FLT1: variants seen among roughly 807,000 people sequenced by gnomAD.
FLT1 encodes the protein fms related receptor tyrosine kinase 1, also known as vascular endothelial growth factor receptor 1.
A neutral mutation model predicts 156.3 loss-of-function variants in FLT1; 49 were observed. That is an observed-to-expected ratio of 0.31 (90% CI 0.25 to 0.40). The LOEUF (loss-of-function observed/expected upper bound fraction) is 0.40, where lower values mean the gene tolerates loss of function less well. Ranked by LOEUF, FLT1 falls within the 10% of genes least tolerant of loss-of-function variation. FLT1 has a pLI of 1.00. For synonymous variants in FLT1, 594 were observed against 583.8 expected (o/e 1.02, Z -0.25); for missense variants, 1,322 against 1,637.2 (o/e 0.81, Z 3.32).
chr13:28,320,525 A>T (rs970517241), intron 23 of FLT1, among the ~76,000 whole-genome samples: 1 of 151,452 alleles, frequency 6.6e-6, no homozygotes, highest in Non-Finnish European at 1.5e-5. Context: ...TTCTTAAAAC[A>T]TGATGAGATT....
intron 14 of FLT1, among the ~76,000 whole-genome samples, chr13:28,378,322 C>A (rs549586799): frequency 1.1e-4 from 16 of 152,312 alleles, no homozygotes; most frequent in African/African-American, 3.6e-4. Flanking sequence ...GCTGGGATTA[C>A]AGGCATGAGC....
chr13:28,368,619 A>G, intron 14 of FLT1: 1 of 1,367,316 alleles, frequency 7.3e-7, no homozygotes, highest in East Asian at 2.5e-5. Context: ...GATGATGACA[A>G]TGGTGATGAT....
At chr13:28,372,114 C>T (rs1441552072) in intron 14 of FLT1, among the ~76,000 whole-genome samples, 1 of 113,408 alleles carries the variant, frequency 8.8e-6, no homozygotes, top group Non-Finnish European at 1.7e-5. Flanking sequence ...CAGAGTCTCG[C>T]TCTCTTTCCC....
At chr13:28,337,321 T>G (rs1339951855) in intron 17 of FLT1, among the ~76,000 whole-genome samples, 1 of 152,168 alleles carries the variant, frequency 6.6e-6, no homozygotes, top group East Asian at 1.9e-4. Context: ...AAACCAGATA[T>G]AACCTTGTGT....
chr13:28,324,699 G>C (rs1373449874), intron 20 of FLT1, among the ~76,000 whole-genome samples: 3 of 152,206 alleles, frequency 2.0e-5, no homozygotes, highest in African/African-American at 7.2e-5. Context: ...ATCAGAGAAA[G>C]CGCTGGCAAT....
At chr13:28,483,208 T>C (rs1372337293) in intron 1 of FLT1, among the ~76,000 whole-genome samples, 1 of 152,190 alleles carries the variant, frequency 6.6e-6, no homozygotes, top group African/African-American at 2.4e-5. Context: ...ACAATACCAT[T>C]AATCATAGAT....
At chr13:28,484,958 C>T (rs1288806623) in intron 1 of FLT1, among the ~76,000 whole-genome samples, 1 of 150,804 alleles carries the variant, frequency 6.6e-6, no homozygotes, top group Non-Finnish European at 1.5e-5. Flanking sequence ...GGAGGGATAG[C>T]ATTAGGAGAT....
At chr13:28,412,696 C>G (rs1876372461) in intron 10 of FLT1, among the ~76,000 whole-genome samples, 2 of 148,236 alleles carry the variant, frequency 1.3e-5, no homozygotes, top group African/African-American at 2.5e-5. Context: ...GCTGGGGTTA[C>G]AGGAGTGAGG....
rs139542461 is a variant in FLT1, at chr13:28,430,402, G to A, written c.989-235C>T. On this transcript the variant is annotated intron_variant, in intron 7 of 29. Coordinates refer to ENST00000282397, the MANE Select transcript of FLT1 (RefSeq NM_002019.4). Reference sequence around the variant, plus strand: ...GTCCTAGCCACATAAAACAGTGGCAGAGCAACAGAAAGTGAAACACCTTAA... The same window carrying A: ...GTCCTAGCCACATAAAACAGTGGCAAAGCAACAGAAAGTGAAACACCTTAA... Among the ~76,000 whole-genome samples, 271 of 152,276 alleles carry A rather than the reference G, an allele frequency of 1.8e-3. 1 individual carries two copies. Among genetic ancestry groups the A allele is most frequent in the African/African-American group, 6.2e-3 (258 of 41,560 alleles).
At chr13:28,444,581 T>G (rs1878508317) in intron 3 of FLT1, among the ~76,000 whole-genome samples, 1 of 152,190 alleles carries the variant, frequency 6.6e-6, no homozygotes, top group African/African-American at 2.4e-5. Context: ...TTTCCTCAAG[T>G]GCACATGAAA....
At chr13:28,355,156 G>A (rs959223811) in intron 15 of FLT1, among the ~76,000 whole-genome samples, 6 of 152,172 alleles carry the variant, frequency 3.9e-5, no homozygotes, top group African/African-American at 1.2e-4. Context: ...GAGGAAGGGC[G>A]GAAATATTCT....
Position 28,466,945 on chromosome 13 carries a change from T to C in FLT1, c.346A>G (p.Lys116Glu), listed in dbSNP as rs778137364. 6 of 1,613,484 alleles carry C rather than the reference T, an allele frequency of 3.7e-6. No homozygotes were observed. The South Asian group carries it at 5.5e-5, about 15-fold the overall frequency. The change falls in exon 3 of 30, where the codon AAG becomes GAG. Residue 116 changes from lysine to glutamate, a missense_variant. By Grantham distance (56) the Lys-to-Glu change is moderately conservative. Around this residue, in one of 3 missense-constraint regions of FLT1, gnomAD observed 991 missense variants for 1,254.8 expected, o/e 0.79. Transcript: ENST00000282397. ...SCKYLAVPTS[K>E]KKETESAIYI... Reference sequence around the variant, plus strand: ...ATTGCAGATTCTGTTTCCTTCTTCTTTGAAGTAGGTACAGCTAGATATTTG... The same window carrying C: ...ATTGCAGATTCTGTTTCCTTCTTCTCTGAAGTAGGTACAGCTAGATATTTG...
intron 28 of FLT1, 119 bp from the exon 29 acceptor site, chr13:28,306,891 C>T (rs1367379929): frequency 1.4e-6 from 1 of 724,382 alleles, no homozygotes; most frequent in Non-Finnish European, 2.5e-6. Flanking sequence ...CCTCCACAAT[C>T]CCAGCCTATT....
At chr13:28,308,115 G>C (rs1407532090) in intron 28 of FLT1, among the ~76,000 whole-genome samples, 11 of 152,186 alleles carry the variant, frequency 7.2e-5, no homozygotes, top group Non-Finnish European at 1.5e-5. Flanking sequence ...GAATCCCCTA[G>C]GGATCTTGCC....
At chr13:28,386,790 A>G in intron 13 of FLT1, 1 of 1,053,660 alleles carries the variant, frequency 9.5e-7, no homozygotes, top group Non-Finnish European at 1.1e-6. Context: ...GAACAGTATC[A>G]TATTATTATT....
At chr13:28,335,804 G>A (rs926005574) in intron 17 of FLT1, among the ~76,000 whole-genome samples, 8 of 152,076 alleles carry the variant, frequency 5.3e-5, no homozygotes, top group African/African-American at 7.2e-5. Context: ...TTCCTTCTTC[G>A]CATAAAATTG....
chr13:28,452,416 G>A (rs867662663), intron 3 of FLT1, among the ~76,000 whole-genome samples: 6 of 152,060 alleles, frequency 3.9e-5, no homozygotes, highest in African/African-American at 1.4e-4. Context: ...ACAAGCCTGA[G>A]CCGGACATTA....
At position 28,389,803 on chromosome 13, in the gene FLT1, T is replaced by C; in HGVS notation, c.1962A>G (p.Thr654=). 3.7e-6 allele frequency: 6 copies of C among 1,614,228 alleles called. No homozygotes were observed. Among genetic ancestry groups the C allele is most frequent in the Non-Finnish European group, 5.1e-6 (6 of 1,180,034 alleles). Reference sequence around the variant, plus strand: ...TTTTGTTGCAGTGCTCACCTCTGATTGTAATTTCTTTCTTCTGGAGGATTT... The same window carrying C: ...TTTTGTTGCAGTGCTCACCTCTGATCGTAATTTCTTTCTTCTGGAGGATTT... ...GEEILQKKEI[T]IRDQEAPYLL... is the part of the protein sequence containing the mutation. Residue 654 remains threonine, a synonymous_variant, in exon 13 of 30, where the codon ACA becomes ACG. Transcript: ENST00000282397.
At chr13:28,485,620 G>A (rs1006860025) in intron 1 of FLT1, among the ~76,000 whole-genome samples, 7 of 152,156 alleles carry the variant, frequency 4.6e-5, no homozygotes, top group Non-Finnish European at 8.8e-5. Context: ...ACACAATGGT[G>A]TGGTCCATTG....
Sources: gnomAD v4.1 joint callset for allele counts (sites outside exome capture counted in the v4.1 genomes callset) on GRCh38, gnomAD v4.1.1 for gene constraint, gnomAD v4.1.1 regional missense constraint, MANE v1.5 for transcripts, NCBI Gene and HGNC (gene_info 2026-07-23, HGNC 2026-07-21) for gene names.